BPIFC: variants seen among roughly 807,000 people sequenced by gnomAD.
BPIFC encodes BPI fold-containing family C protein.
A neutral mutation model predicts 57.6 loss-of-function variants in BPIFC; 60 were observed. The ratio of observed to expected loss-of-function variants is 1.04; its 90% confidence interval spans 0.85 to 1.29. The LOEUF (loss-of-function observed/expected upper bound fraction) is 1.29. BPIFC is among the 50% of genes most tolerant of loss of function. BPIFC has a pLI of 0.00. For missense variants in BPIFC, 581 were observed against 600.5 expected (o/e 0.97, Z 0.34); for synonymous variants, 243 against 224.5 (o/e 1.08, Z -0.74).
chr22:32,445,677 A>C lies in BPIFC; in HGVS notation c.552T>G (p.Ala184=). The C allele has an allele frequency of 6.3e-7, 1 of 1,583,728 alleles. No homozygotes were observed. Among genetic ancestry groups the C allele is most frequent in the East Asian group, 2.2e-5 (1 of 44,584 alleles). The change falls in exon 7 of 17, where the codon GCT becomes GCG. Residue 184 remains alanine, a synonymous_variant. Coordinates refer to ENST00000300399, the MANE Select transcript of BPIFC (RefSeq NM_174932.3). The part of the protein sequence containing the change: ...GELSVLYNSF[A]EPMEKPILKN... ...TTAAAATGGGTTTCTCCATGGGCTC[A>C]GCAAAGGAGTTATACAGAACACTGA...
At chr22:32,452,871 T>C (rs943645790) in intron 4 of BPIFC, among the ~76,000 whole-genome samples, 7 of 152,186 alleles carry the variant, frequency 4.6e-5, no homozygotes, top group Non-Finnish European at 1.0e-4. Context: ...AGCTATCCTC[T>C]CCTTATACTG....
Position 32,435,829 on chromosome 22 carries a change from G to C in BPIFC, c.799C>G (p.Pro267Ala). Residue 267 changes from proline (P) to alanine (A), a missense_variant, in exon 10 of 17, where the codon CCT becomes GCT. Transcript: ENST00000300399. ...NLTDPPFSPV[P>A]FVLPERSNSM... Reference sequence around the variant, plus strand: ...TTGCTGCGTTCTGGGAGCACAAAAGGAACTGGTGAGAAGGGGGGGTCGGTG... The same window carrying C: ...TTGCTGCGTTCTGGGAGCACAAAAGCAACTGGTGAGAAGGGGGGGTCGGTG... 6.2e-7 allele frequency: 1 copy of C among 1,614,150 alleles called. No individual in the cohort carries two copies. The highest frequency in any genetic ancestry group is 8.5e-7 in the Non-Finnish European group (1 of 1,180,026).
At chr22:32,426,482 T>G (rs899697621) in intron 13 of BPIFC, among the ~76,000 whole-genome samples, 1 of 152,194 alleles carries the variant, frequency 6.6e-6, no homozygotes, top group Non-Finnish European at 1.5e-5. Flanking sequence ...CCAGCCCACC[T>G]GCCTTGCCCC....
Position 32,424,635 on chromosome 22 carries a change from T to C in BPIFC, c.1218-5231A>G, listed in dbSNP as rs1454674303. 9.7e-3 allele frequency among the ~76,000 whole-genome samples: 582 copies of C among 60,216 alleles called. 77 individuals are homozygous for C. Among genetic ancestry groups the C allele is most frequent in the East Asian group, 0.043 (81 of 1,880 alleles). The allele number at this position is 60,216 out of a possible 152,430, so 39.5% of individuals were successfully genotyped here. On this transcript the variant is annotated intron_variant, in intron 13 of 16. Transcript: ENST00000300399. ...CTCCTCCTCCTCCTCCTCCTCTTCT[T>C]CTTCTTCTCTTCTTCTTCTTCTTCT...
At chr22:32,453,601 C>T (rs1934957312) in intron 3 of BPIFC, 98 bp from the exon 4 acceptor site, 1 of 1,360,466 alleles carries the variant, frequency 7.4e-7, no homozygotes, top group Non-Finnish European at 9.6e-7. Flanking sequence ...GTGAGACATG[C>T]CCTTAGATAC....
chr22:32,427,375 T>C (rs1934097271), intron 13 of BPIFC, among the ~76,000 whole-genome samples: 1 of 152,184 alleles, frequency 6.6e-6, no homozygotes, highest in Admixed American at 6.5e-5. Flanking sequence ...AGTTGAATCA[T>C]GATTAAATTC....
chr22:32,442,738 A>T lies in BPIFC; in HGVS notation c.595-7T>A. The T allele has an allele frequency of 6.2e-7, 1 of 1,613,192 alleles. No homozygotes were observed. Among genetic ancestry groups the T allele is most frequent in the South Asian group, 1.1e-5 (1 of 90,830 alleles). On this transcript the variant is annotated splice_polypyrimidine_tract_variant and splice_region_variant and intron_variant, in intron 7 of 16. Coordinates refer to ENST00000300399, the MANE Select transcript of BPIFC (RefSeq NM_174932.3). ...TTGCAATAATGGGACAGAGCTGGCC[A>T]CAAAGGAATAAAAAGAAAAAAGCAA...
intron 9 of BPIFC, among the ~76,000 whole-genome samples, chr22:32,436,594 G>C (rs1416905166): frequency 1.3e-5 from 2 of 152,156 alleles, no homozygotes; most frequent in African/African-American, 2.4e-5. Context: ...AGCATATTTA[G>C]GTGTGTCTGT....
intron 9 of BPIFC, among the ~76,000 whole-genome samples, chr22:32,436,421 AG>A (rs1245906631): frequency 6.8e-6 from 1 of 147,752 alleles, no homozygotes; most frequent in Non-Finnish European, 1.5e-5. Context: ...GAAAAGAAGG[AG>A]AAGGAGAAGG....
intron 13 of BPIFC, among the ~76,000 whole-genome samples, chr22:32,430,526 TA>T (rs1569449702): frequency 7.7e-6 from 1 of 129,830 alleles, no homozygotes; most frequent in Non-Finnish European, 1.5e-5. Context: ...ATATAAAACA[TA>T]ATATATTTTA....
At chr22:32,419,505 T>TA (rs1007558111) in intron 13 of BPIFC, 101 bp from the exon 14 acceptor site, 1,268 of 1,168,024 alleles carry the variant, frequency 1.1e-3, no homozygotes, top group Non-Finnish European at 1.2e-3. Context: ...AGTCACTATT[T>TA]AAAAAAAAAC....
chr22:32,439,199 C>T (rs1452593501), intron 8 of BPIFC, among the ~76,000 whole-genome samples: 6 of 152,114 alleles, frequency 3.9e-5, no homozygotes, highest in African/African-American at 9.7e-5. Flanking sequence ...GTGGCACGCG[C>T]CTGTAATCCC....
intron 8 of BPIFC, among the ~76,000 whole-genome samples, chr22:32,439,862 G>A (rs538090430): frequency 6.6e-6 from 1 of 152,100 alleles, no homozygotes; most frequent in Admixed American, 6.5e-5. Context: ...CGAGTTGCTC[G>A]CCTCAGCTTC....
At chr22:32,442,090 C>A (rs1934581531) in intron 8 of BPIFC, among the ~76,000 whole-genome samples, 1 of 152,124 alleles carries the variant, frequency 6.6e-6, no homozygotes, top group African/African-American at 2.4e-5. Flanking sequence ...GGACTGGGGA[C>A]TCCTGGGTTA....
intron 2 of BPIFC, among the ~76,000 whole-genome samples, chr22:32,458,627 G>T (rs766646651): frequency 6.6e-6 from 1 of 152,184 alleles, no homozygotes; most frequent in African/African-American, 2.4e-5. Context: ...CTACTGAATG[G>T]CAGATGGAAT....
intron 8 of BPIFC, among the ~76,000 whole-genome samples, chr22:32,441,419 A>T (rs966970723): frequency 6.6e-6 from 1 of 152,156 alleles, no homozygotes; most frequent in African/African-American, 2.4e-5. Context: ...GACGGCAGGT[A>T]TGTCTGTTGC....
At position 32,431,474 on chromosome 22, in the gene BPIFC, A is replaced by G. The variant is rs950416652; in HGVS notation, c.1150-60T>C. On this transcript the variant is annotated intron_variant, in intron 12 of 16. Transcript: ENST00000300399. The stretch of plus-strand genomic sequence containing the variant: ...GTGAGTGTCAATTTTGGCCATCAGT[A>G]TAATTTCCAATAGTTGAAACATTAT... 9.1e-5 allele frequency: 103 copies of G among 1,133,428 alleles called. 1 individual carries two copies. In the African/African-American group the frequency reaches 1.2e-3, roughly 13 times the overall value. The allele number at this position is 1,133,428 out of a possible 1,614,324, so 70.2% of individuals were successfully genotyped here. A position where few individuals can be genotyped will look rare whatever the true frequency, so the allele number is the denominator to read the frequency against.
chr22:32,461,537 G>A (rs1935160176), intron 2 of BPIFC, 37 bp downstream of exon 2: 2 of 962,042 alleles, frequency 2.1e-6, no homozygotes, highest in Non-Finnish European at 2.5e-6. Context: ...CAGAGTGACA[G>A]TAACAGCATC....
intron 8 of BPIFC, among the ~76,000 whole-genome samples, chr22:32,441,736 T>A (rs1288679412): frequency 6.6e-6 from 1 of 152,134 alleles, no homozygotes; most frequent in Non-Finnish European, 1.5e-5. Flanking sequence ...CTCTGCAGGT[T>A]TAGAAATGGG....
Sources: gnomAD v4.1 joint callset for allele counts (sites outside exome capture counted in the v4.1 genomes callset) on GRCh38, gnomAD v4.1.1 for gene constraint, MANE v1.5 for transcripts, NCBI Gene and HGNC (gene_info 2026-07-23, HGNC 2026-07-21) for gene names.